The following SPOCK3 variants were observed in gnomAD, a reference collection of about 807,000 sequenced individuals.
SPOCK3 encodes SPARC (osteonectin), cwcv and kazal like domains proteoglycan 3, also known as testican-3.
Under a neutral mutation model 56.6 loss-of-function variants are expected in SPOCK3, and 30 were observed. The ratio of observed to expected loss-of-function variants is 0.53; its 90% CI spans 0.40 to 0.72. The LOEUF is 0.72. SPOCK3 is among the 30% of genes least tolerant of loss of function. The probability of loss-of-function intolerance (pLI) is 0.00; values close to 1 mark genes in which losing one functional copy is unlikely to be tolerated. For missense variants in SPOCK3, 527 were observed against 530.0 expected, an observed-to-expected ratio of 0.99 and a Z score of 0.06; for synonymous variants, 196 against 183.3, an observed-to-expected ratio of 1.07 and a Z score of -0.56.
At chr4:166,735,267 A>G (rs552779398) in intron 10 of SPOCK3, among the ~76,000 whole-genome samples, 177 bp from the exon 11 acceptor site, 49 of 152,172 alleles carry the variant, frequency 3.2e-4, no homozygotes, top group African/African-American at 1.2e-3. Context: ...TTAAAAATCT[A>G]TCATTTGTTA....
intron 2 of SPOCK3, among the ~76,000 whole-genome samples, chr4:167,070,518 C>T (rs1756568654): frequency 6.6e-6 from 1 of 151,834 alleles, no homozygotes; most frequent in African/African-American, 2.4e-5. Context: ...ATTATAATCT[C>T]CCAAACCCTC....
rs187819081 is a variant in SPOCK3, at chr4:166,733,766, A to G, written c.*1155T>C. The G allele has an allele frequency of 6.6e-6, 1 of 152,422 alleles. No individual in the cohort carries two copies. Among genetic ancestry groups the G allele is most frequent in the East Asian group, 1.9e-4 (1 of 5,188 alleles). 9.4% of individuals were successfully genotyped at this position (152,422 alleles called of 1,614,324 possible). On this transcript the variant is annotated 3_prime_UTR_variant, in exon 11 of 11. Coordinates refer to ENST00000357545, the MANE Select transcript of SPOCK3 (RefSeq NM_001040159.2). ...AATGCTACTCTACACAATAATCATA[A>G]ACAAGTCCACATGGCAATTATGTAA...
At chr4:167,100,776 A>G (rs576832167) in intron 2 of SPOCK3, among the ~76,000 whole-genome samples, 103 of 152,256 alleles carry the variant, frequency 6.8e-4, no homozygotes, top group African/African-American at 2.5e-3. Flanking sequence ...ACCATCAATC[A>G]AATCATTATA....
rs112314855 is a variant in SPOCK3, at chr4:166,805,455, C to T, written c.590-13166G>A. ...AATGTGTAAAAATAATAGTCTGATA[C>T]GATTTGATAGATTAGGTAAAGTCAT... On this transcript the variant is annotated intron_variant, in intron 6 of 10. Coordinates refer to ENST00000357545, the MANE Select transcript of SPOCK3 (RefSeq NM_001040159.2). Among the ~76,000 whole-genome samples, 53 of 151,840 alleles carry T rather than the reference C, an allele frequency of 3.5e-4. 1 individual carries two copies. Among genetic ancestry groups the T allele is most frequent in the African/African-American group, 1.2e-3 (48 of 41,438 alleles).
intron 4 of SPOCK3, among the ~76,000 whole-genome samples, chr4:166,972,240 C>A (rs1247699912): frequency 6.6e-6 from 1 of 152,126 alleles, no homozygotes; most frequent in Non-Finnish European, 1.5e-5. Context: ...TTCAGAAGTG[C>A]TTGCTACATA....
chr4:167,211,351 G>C (rs1734852590), intron 2 of SPOCK3, among the ~76,000 whole-genome samples: 1 of 152,122 alleles, frequency 6.6e-6, no homozygotes, highest in South Asian at 2.1e-4. Context: ...GTAGAGTTTT[G>C]AGTTAATGCT....
At chr4:166,998,328 C>T (rs1242528493) in intron 4 of SPOCK3, among the ~76,000 whole-genome samples, 1 of 152,126 alleles carries the variant, frequency 6.6e-6, no homozygotes, top group East Asian at 1.9e-4. Flanking sequence ...AAAGGCAAAG[C>T]TTCAGTAGTG....
intron 2 of SPOCK3, among the ~76,000 whole-genome samples, chr4:167,087,419 T>C (rs1561201767): frequency 2.0e-5 from 3 of 152,188 alleles, no homozygotes; most frequent in Admixed American, 1.3e-4. Context: ...ATTCTGACAT[T>C]TGTAACAAAT....
chr4:167,182,128 A>T (rs1224010435), intron 2 of SPOCK3, among the ~76,000 whole-genome samples: 1 of 152,190 alleles, frequency 6.6e-6, no homozygotes, highest in Non-Finnish European at 1.5e-5. Context: ...GTAAAATTCT[A>T]GCAATTTTTC....
At chr4:167,014,484 A>AAAAAT (rs1300216674) in intron 3 of SPOCK3, among the ~76,000 whole-genome samples, 1 of 152,028 alleles carries the variant, frequency 6.6e-6, no homozygotes, top group Admixed American at 6.6e-5. Context: ...CGTGACATCA[A>AAAAAT]AAAATAAAAT....
chr4:166,909,147 A>G (rs1387227194), intron 5 of SPOCK3, among the ~76,000 whole-genome samples: 1 of 152,126 alleles, frequency 6.6e-6, no homozygotes, highest in Non-Finnish European at 1.5e-5. Flanking sequence ...CTATTTATCC[A>G]TAGTTCCTCA....
chr4:166,842,106 A>T (rs777911254), intron 6 of SPOCK3, among the ~76,000 whole-genome samples: 74 of 152,266 alleles, frequency 4.9e-4, no homozygotes, highest in Non-Finnish European at 1.0e-3. Flanking sequence ...TGGCCTTAGG[A>T]GTGAAGCTGC....
intron 2 of SPOCK3, among the ~76,000 whole-genome samples, chr4:167,230,197 T>G (rs1479971529): frequency 1.3e-5 from 2 of 151,984 alleles, no homozygotes; most frequent in African/African-American, 4.8e-5. Context: ...AATGTTATTA[T>G]ACCATGCATT....
intron 2 of SPOCK3, among the ~76,000 whole-genome samples, chr4:167,127,294 C>T (rs1762356918): frequency 2.0e-5 from 3 of 151,876 alleles, no homozygotes; most frequent in South Asian, 2.1e-4. Flanking sequence ...ACAATCAAGT[C>T]GAACTGATTT....
intron 2 of SPOCK3, among the ~76,000 whole-genome samples, chr4:167,200,698 A>G (rs1733431454): frequency 1.3e-5 from 2 of 152,076 alleles, no homozygotes. Flanking sequence ...GGCTCCCACA[A>G]GATTAACTAT....
chr4:166,846,605 A>T (rs1414044776), intron 6 of SPOCK3, among the ~76,000 whole-genome samples: 1 of 152,098 alleles, frequency 6.6e-6, no homozygotes. Context: ...AATACTTTAA[A>T]GCCTGTTTTT....
intron 4 of SPOCK3, among the ~76,000 whole-genome samples, chr4:166,945,240 C>T (rs1741582758): frequency 6.6e-6 from 1 of 152,054 alleles, no homozygotes; most frequent in Admixed American, 6.6e-5. Context: ...GTAATGACTC[C>T]CTGGCACCCT....
At chr4:166,744,574 T>C (rs1735319230) in intron 8 of SPOCK3, among the ~76,000 whole-genome samples, 1 of 152,124 alleles carries the variant, frequency 6.6e-6, no homozygotes, top group Non-Finnish European at 1.5e-5. Flanking sequence ...AGAGCGCCTA[T>C]TCTCCTCCAA....
chr4:166,933,824 A>G (rs1274284895), intron 4 of SPOCK3, among the ~76,000 whole-genome samples: 1 of 152,186 alleles, frequency 6.6e-6, no homozygotes, highest in Non-Finnish European at 1.5e-5. Flanking sequence ...ATCTAAGTTC[A>G]GGATCTTTCT....
Sources: allele counts gnomAD v4.1 joint callset (sites outside exome capture counted in the v4.1 genomes callset), GRCh38; gene constraint gnomAD v4.1.1; transcripts MANE v1.5; gene names NCBI Gene and HGNC (gene_info 2026-07-23, HGNC 2026-07-21).